The following KCNIP4 variants were observed in gnomAD, a reference collection of about 807,000 sequenced individuals.
KCNIP4 encodes potassium voltage-gated channel interacting protein 4.
KCNIP4 carries 12 observed loss-of-function variants against 34.0 expected under a neutral mutation model. That is an observed-to-expected ratio of 0.35 (90% CI 0.23 to 0.57). The LOEUF (loss-of-function observed/expected upper bound fraction) is 0.57. Among genes scored for constraint, KCNIP4 ranks in the 20% least tolerant of loss-of-function variants. The pLI is 0.83. For synonymous variants in KCNIP4, 124 were observed against 102.2 expected, an observed-to-expected ratio of 1.21 and a Z score of -1.29; for missense variants, 238 against 311.7, an observed-to-expected ratio of 0.76 and a Z score of 1.78.
chr4:21,584,840 G>A (rs1741492308), intron 1 of KCNIP4, among the ~76,000 whole-genome samples: 1 of 152,080 alleles, frequency 6.6e-6, no homozygotes, highest in Non-Finnish European at 1.5e-5. Flanking sequence ...GAATTTGAAG[G>A]AAGATGAAGT....
intron 1 of KCNIP4, among the ~76,000 whole-genome samples, chr4:21,197,212 C>T (rs143259166): frequency 1.3e-3 from 193 of 152,088 alleles, no homozygotes; most frequent in African/African-American, 4.3e-3. Flanking sequence ...TTAACTATTG[C>T]GAACATTCTT....
chr4:21,211,897 A>G (rs73249503), intron 1 of KCNIP4, among the ~76,000 whole-genome samples: 9,867 of 151,730 alleles, frequency 0.065, 390 homozygotes, highest in East Asian at 0.15. Flanking sequence ...TCCCCACCAT[A>G]TTGCATTGGA....
rs78545512 is a variant in KCNIP4 at position 21,665,517 on chromosome 4, C to A, written c.61+283054G>T. 2.7e-3 allele frequency among the ~76,000 whole-genome samples: 402 copies of A among 150,040 alleles called. 1 individual carries two copies. The highest frequency in any genetic ancestry group is 7.9e-3 in the African/African-American group (319 of 40,544). ...GTCTTTTCTATCACAGGGCACCCCC[C>A]CCCCCTCATTTTATACATGTATTTT... is the stretch of plus-strand genomic sequence containing the variant. On this transcript the variant is annotated intron_variant, in intron 1 of 8. Coordinates refer to ENST00000382152, the MANE Select transcript of KCNIP4 (RefSeq NM_025221.6).
chr4:21,773,181 GT>G (rs1420317582), intron 1 of KCNIP4, among the ~76,000 whole-genome samples: 1 of 152,170 alleles, frequency 6.6e-6, no homozygotes, highest in Non-Finnish European at 1.5e-5. Context: ...TTACCCAGGA[GT>G]CATTCAAGAG....
chr4:21,152,217 C>A (rs1752809450), intron 1 of KCNIP4, among the ~76,000 whole-genome samples: 1 of 152,140 alleles, frequency 6.6e-6, no homozygotes, highest in Non-Finnish European at 1.5e-5. Flanking sequence ...AGCACCACTG[C>A]ACTCCAGCCT....
chr4:20,966,896 G>C (rs1469467515), intron 1 of KCNIP4, among the ~76,000 whole-genome samples: 1 of 152,172 alleles, frequency 6.6e-6, no homozygotes, highest in African/African-American at 2.4e-5. Flanking sequence ...TGTCTCAGAA[G>C]CACTCTGTGA....
intron 1 of KCNIP4, among the ~76,000 whole-genome samples, chr4:21,779,883 A>G (rs1370746568): frequency 1.3e-5 from 2 of 151,762 alleles, no homozygotes; most frequent in African/African-American, 4.8e-5. Context: ...GTGAGCTATA[A>G]TTGTGCTGCT....
chr4:21,701,347 C>T (rs918843760), intron 1 of KCNIP4, among the ~76,000 whole-genome samples: 9 of 152,100 alleles, frequency 5.9e-5, no homozygotes, highest in Admixed American at 3.3e-4. Flanking sequence ...AATTGTACAA[C>T]GCGATGACCA....
At chr4:21,701,161 A>C (rs1220279218) in intron 1 of KCNIP4, among the ~76,000 whole-genome samples, 1 of 152,216 alleles carries the variant, frequency 6.6e-6, no homozygotes, top group Non-Finnish European at 1.5e-5. Context: ...AGCACAGAAC[A>C]ACGAATATAG....
chr4:21,578,805 G>A (rs1372930259), intron 1 of KCNIP4, among the ~76,000 whole-genome samples: 3 of 152,124 alleles, frequency 2.0e-5, no homozygotes, highest in Non-Finnish European at 4.4e-5. Context: ...GAGCATGAAG[G>A]TCATACATCC....
chr4:21,823,366 A>C (rs1722483790), intron 1 of KCNIP4, among the ~76,000 whole-genome samples: 1 of 151,874 alleles, frequency 6.6e-6, no homozygotes, highest in Non-Finnish European at 1.5e-5. Context: ...GTTTCAAATT[A>C]AGTGTATGCT....
intron 1 of KCNIP4, among the ~76,000 whole-genome samples, chr4:21,892,550 T>TAAAAAAAAA (rs35105632): frequency 7.9e-6 from 1 of 126,372 alleles, no homozygotes; most frequent in African/African-American, 3.0e-5. Context: ...AGCAAAAAAG[T>TAAAAAAAAA]AAAAAAAAAA....
rs1214072984 is a variant in KCNIP4, at chr4:21,618,607, CTTTTCT to C, written c.61+329958_61+329963del. On this transcript the variant is annotated intron_variant, in intron 1 of 8. Coordinates refer to ENST00000382152, the MANE Select transcript of KCNIP4 (RefSeq NM_025221.6). ...CTCTCTGTTTGTATTTATATATTTTCTTTTCTTTTTCTTTTTCTTTTTCTTTTTTTT... is the reference window on the plus strand; with the variant it reads ...CTCTCTGTTTGTATTTATATATTTTCTTTTCTTTTTCTTTTTCTTTTTTTT... 4.3e-3 allele frequency among the ~76,000 whole-genome samples: 536 copies of C among 125,020 alleles called. 4 individuals carry two copies. Among genetic ancestry groups the C allele is most frequent in the African/African-American group, 0.013 (448 of 34,124 alleles). 82.0% of individuals were successfully genotyped at this position (125,020 alleles called of 152,430 possible). A position where few individuals can be genotyped will look rare whatever the true frequency, so the allele number is the denominator to read the frequency against.
intron 1 of KCNIP4, among the ~76,000 whole-genome samples, chr4:21,913,213 T>A (rs1200341631): frequency 6.6e-6 from 1 of 152,086 alleles, no homozygotes; most frequent in African/African-American, 2.4e-5. Flanking sequence ...TGGTGGTACA[T>A]GCCTGCAGAC....
At chr4:21,832,190 A>G (rs1220058324) in intron 1 of KCNIP4, among the ~76,000 whole-genome samples, 1 of 152,200 alleles carries the variant, frequency 6.6e-6, no homozygotes, top group Non-Finnish European at 1.5e-5. Context: ...GAAATTCAAC[A>G]TCCTTTCATG....
intron 2 of KCNIP4, among the ~76,000 whole-genome samples, chr4:20,854,580 C>G (rs1022709471): frequency 6.6e-6 from 1 of 152,116 alleles, no homozygotes; most frequent in Non-Finnish European, 1.5e-5. Flanking sequence ...TCACAAATCA[C>G]CACTGAAGAA....
intron 3 of KCNIP4, among the ~76,000 whole-genome samples, chr4:20,796,295 T>A (rs1713453499): frequency 6.6e-6 from 1 of 152,150 alleles, no homozygotes; most frequent in Admixed American, 6.6e-5. Flanking sequence ...CTAAAATTGC[T>A]TTTTTGTTTT....
intron 1 of KCNIP4, among the ~76,000 whole-genome samples, chr4:21,151,065 T>A (rs1365471436): frequency 6.6e-6 from 1 of 152,206 alleles, no homozygotes; most frequent in Non-Finnish European, 1.5e-5. Context: ...ATTTAAATAG[T>A]TCTAAGGACT....
rs556156066 is a variant in KCNIP4 at position 21,216,146 on chromosome 4, T to G, written c.62-333437A>C. The stretch of plus-strand genomic sequence containing the variant: ...AGGGCGGTTGAGAAATGACTTTGCG[T>G]TGGTGCGGGTTTTTACAAGGATCAG... On this transcript the variant is annotated intron_variant, in intron 1 of 8. Transcript: ENST00000382152. Among the ~76,000 whole-genome samples, 3 of 152,306 alleles carry G rather than the reference T, an allele frequency of 2.0e-5. No individual in the cohort carries two copies. The South Asian group carries it at 6.2e-4, about 32-fold the overall frequency.
Sources: gnomAD v4.1 joint callset for allele counts (sites outside exome capture counted in the v4.1 genomes callset) on GRCh38, gnomAD v4.1.1 for gene constraint, MANE v1.5 for transcripts, NCBI Gene and HGNC (gene_info 2026-07-23, HGNC 2026-07-21) for gene names.